Variants in NFATC2 observed in about 807,000 individuals in gnomAD.
The protein encoded by NFATC2 is nuclear factor of activated T-cells, cytoplasmic 2.
Under a neutral mutation model 87.3 loss-of-function variants are expected in NFATC2, and 22 were observed. That is an observed-to-expected ratio of 0.25 (90% CI 0.18 to 0.36). The LOEUF is 0.36. NFATC2 is among the 10% of genes least tolerant of loss of function. NFATC2 has a pLI of 1.00. For synonymous variants in NFATC2, 565 were observed against 542.2 expected (o/e 1.04, Z -0.58); for missense variants, 1,149 against 1,259.1 (o/e 0.91, Z 1.32).
intron 5 of NFATC2, among the ~76,000 whole-genome samples, chr20:51,457,811 G>A (rs1036132414): frequency 1.3e-5 from 2 of 151,502 alleles, no homozygotes; most frequent in Non-Finnish European, 2.9e-5. Flanking sequence ...TCAAGTTTGA[G>A]AAGCTCTGTT....
intron 10 of NFATC2, among the ~76,000 whole-genome samples, chr20:51,396,365 G>C (rs1987143903): frequency 6.6e-6 from 1 of 152,070 alleles, no homozygotes; most frequent in Non-Finnish European, 1.5e-5. Flanking sequence ...AAACAACCCA[G>C]AGGTATTAAT....
At chr20:51,535,279 C>G (rs1202109068) in intron 1 of NFATC2, among the ~76,000 whole-genome samples, 1 of 152,230 alleles carries the variant, frequency 6.6e-6, no homozygotes, top group Non-Finnish European at 1.5e-5. Context: ...CATCCTCTGC[C>G]CAACTTAGCA....
chr20:51,530,557 C>G (rs2076616582), intron 1 of NFATC2, among the ~76,000 whole-genome samples: 2 of 152,134 alleles, frequency 1.3e-5, no homozygotes, highest in East Asian at 1.9e-4. Flanking sequence ...TGGTGGACCA[C>G]CTAAAATCCA....
intron 3 of NFATC2, among the ~76,000 whole-genome samples, chr20:51,501,076 A>G (rs2076082587): frequency 6.6e-6 from 1 of 151,418 alleles, no homozygotes; most frequent in African/African-American, 2.4e-5. Context: ...ACACTCAAAC[A>G]CAGATGGTTT....
intron 9 of NFATC2, among the ~76,000 whole-genome samples, chr20:51,409,613 G>A (rs972646712): frequency 1.1e-4 from 16 of 152,260 alleles, no homozygotes; most frequent in East Asian, 7.8e-4. Context: ...GGAGGAACAC[G>A]CCACACCGAT....
chr20:51,476,947 T>A (rs573569849), intron 3 of NFATC2, among the ~76,000 whole-genome samples: 3 of 152,200 alleles, frequency 2.0e-5, no homozygotes, highest in African/African-American at 7.2e-5. Flanking sequence ...AAGAGCAATA[T>A]AGACTGGTAT....
rs773854579 is a variant in NFATC2, at chr20:51,432,323, G to A, written c.2466C>T (p.Cys822=). The change falls in exon 9 of 11, where the codon TGC becomes TGT. Residue 822 remains cysteine (C), a synonymous_variant. Coordinates refer to ENST00000371564, the MANE Select transcript of NFATC2 (RefSeq NM_012340.5). This position sits in a 1 kb window ranked among gnomAD's most constrained non-coding sequence, Gnocchi z 4.6. ...TGTGCTGGAACTCCTGGTGGCTTCCGCAGCGCAGCTGCTGGTTGGTGGGTG... is the reference window on the plus strand; with the variant it reads ...TGTGCTGGAACTCCTGGTGGCTTCCACAGCGCAGCTGCTGGTTGGTGGGTG... ...HYSPTNQQLR[C]GSHQEFQHIM... 10 of 1,614,074 alleles carry A rather than the reference G, an allele frequency of 6.2e-6. No homozygotes were observed. Among genetic ancestry groups the A allele is most frequent in the South Asian group, 4.4e-5 (4 of 91,082 alleles).
At position 51,542,658 on chromosome 20, in the gene NFATC2, G is replaced by A; in HGVS notation, c.-159C>T. ...CCGGGGACGGCGCGCCTGGCGCAGC[G>A]GGTCCTGGACGCGCCCGGGGAAGCT... On this transcript the variant is annotated 5_prime_UTR_variant, in exon 1 of 11. Coordinates refer to ENST00000371564, the MANE Select transcript of NFATC2 (RefSeq NM_012340.5). The A allele has an allele frequency of 8.5e-7, 1 of 1,176,516 alleles. No individual in the cohort carries two copies. The highest frequency in any genetic ancestry group is 4.2e-5 in the South Asian group (1 of 24,042). 72.9% of individuals were successfully genotyped at this position (1,176,516 alleles called of 1,614,324 possible). A position where few individuals can be genotyped will look rare whatever the true frequency, so the allele number is the denominator to read the frequency against.
rs143145422 is a variant in NFATC2 at position 51,521,601 on chromosome 20, G to A, written c.1160+1480C>T. On this transcript the variant is annotated intron_variant, in intron 2 of 10. Transcript: ENST00000371564. ...CTCCCAAAGTGCTGGGATTACAGGCGTGAGCCACCGCACCCGGCCTATTTG... is the reference window on the plus strand; with the variant it reads ...CTCCCAAAGTGCTGGGATTACAGGCATGAGCCACCGCACCCGGCCTATTTG... 7.4e-3 allele frequency among the ~76,000 whole-genome samples: 1,122 copies of A among 152,322 alleles called. 4 individuals are homozygous for A. The highest frequency in any genetic ancestry group is 0.02 in the Middle Eastern group (6 of 294).
At chr20:51,486,709 G>A (rs1279911217) in intron 3 of NFATC2, among the ~76,000 whole-genome samples, 1 of 151,496 alleles carries the variant, frequency 6.6e-6, no homozygotes, top group Non-Finnish European at 1.5e-5. Context: ...CGAATAGATT[G>A]ATTCTCAGGT....
intron 6 of NFATC2, among the ~76,000 whole-genome samples, chr20:51,440,511 G>A (rs1955216711): frequency 6.6e-6 from 1 of 152,222 alleles, no homozygotes; most frequent in Non-Finnish European, 1.5e-5. Context: ...CATGGTGCCT[G>A]ATTTTCCTTT....
chr20:51,454,029 C>T (rs1986117679), intron 6 of NFATC2, among the ~76,000 whole-genome samples: 1 of 152,168 alleles, frequency 6.6e-6, no homozygotes, highest in African/African-American at 2.4e-5. Flanking sequence ...TATTAATTGG[C>T]TTATGCTGTA....
upstream of NFATC2, among the ~76,000 whole-genome samples, chr20:51,544,094 TCTC>T (rs1291433843): frequency 6.8e-6 from 1 of 146,882 alleles, no homozygotes; most frequent in African/African-American, 2.5e-5. Flanking sequence ...TTCACGCCAT[TCTC>T]CTGCCTCAGC....
At chr20:51,505,614 C>T (rs2076166090) in intron 3 of NFATC2, among the ~76,000 whole-genome samples, 1 of 152,136 alleles carries the variant, frequency 6.6e-6, no homozygotes, top group South Asian at 2.1e-4. Context: ...CCACACCGTG[C>T]AATGGAAATG....
chr20:51,518,753 C>T (rs1164834467), intron 2 of NFATC2, among the ~76,000 whole-genome samples: 2 of 152,166 alleles, frequency 1.3e-5, no homozygotes, highest in Non-Finnish European at 2.9e-5. Flanking sequence ...TTGACTACTG[C>T]AAATTTTTCA....
chr20:51,526,589 C>T (rs2076549381), intron 1 of NFATC2, among the ~76,000 whole-genome samples: 1 of 152,146 alleles, frequency 6.6e-6, no homozygotes, highest in Non-Finnish European at 1.5e-5. Context: ...AATATAAGAA[C>T]CATGTCCGGG....
intron 1 of NFATC2, among the ~76,000 whole-genome samples, chr20:51,527,689 C>G (rs931875112): frequency 6.6e-6 from 1 of 152,164 alleles, no homozygotes; most frequent in Non-Finnish European, 1.5e-5. Context: ...AATATCCAAA[C>G]CAAAAGATAG....
intron 5 of NFATC2, among the ~76,000 whole-genome samples, chr20:51,458,236 G>T (rs1451828830): frequency 6.6e-6 from 1 of 152,184 alleles, no homozygotes; most frequent in African/African-American, 2.4e-5. Context: ...TTGGAGCTGG[G>T]TAATTCTTTG....
intron 5 of NFATC2, among the ~76,000 whole-genome samples, chr20:51,471,352 C>T (rs1600812002): frequency 1.3e-5 from 2 of 152,200 alleles, no homozygotes; most frequent in African/African-American, 4.8e-5. Context: ...CTTCCAAAAA[C>T]ATCTTGAGAG....
Sources: gnomAD v4.1 joint callset for allele counts (sites outside exome capture counted in the v4.1 genomes callset) on GRCh38, gnomAD v4.1.1 for gene constraint, Gnocchi (gnomAD v3.1) non-coding constraint, MANE v1.5 for transcripts, NCBI Gene and HGNC (gene_info 2026-07-23, HGNC 2026-07-21) for gene names.